SLC12A7: variants seen among roughly 807,000 people sequenced by gnomAD.
SLC12A7 encodes solute carrier family 12 member 7.
SLC12A7 carries 100 observed loss-of-function variants against 120.6 expected under a neutral mutation model. That is an observed-to-expected ratio of 0.83 (90% CI 0.71 to 0.98). SLC12A7 has a LOEUF of 0.98. Among genes scored for constraint, SLC12A7 ranks in the 50% least tolerant of loss-of-function variants. The pLI is 0.00. For synonymous variants in SLC12A7, 760 were observed against 678.0 expected (o/e 1.12, Z -1.88); for missense variants, 1,373 against 1,548.1 (o/e 0.89, Z 1.90).
At chr5:1,084,549 C>A (rs529274234) in intron 7 of SLC12A7, among the ~76,000 whole-genome samples, 1 of 152,354 alleles carries the variant, frequency 6.6e-6, no homozygotes, top group East Asian at 1.9e-4. Flanking sequence ...ACAGTCTACA[C>A]AGGGCCGTAG....
chr5:1,053,248 G>A (rs1216527557), intron 23 of SLC12A7, 101 bp downstream of exon 23: 29 of 1,409,078 alleles, frequency 2.1e-5, no homozygotes, highest in Middle Eastern at 1.8e-4. Context: ...AAGGAGAGGC[G>A]GGAAGCCAGC....
At chr5:1,145,619 C>T in the SLC12A7 span, among the ~76,000 whole-genome samples, 2 of 152,120 alleles carry the variant, frequency 1.3e-5, no homozygotes, top group African/African-American at 4.8e-5. The surrounding 1 kb of genome is among the most constrained non-coding windows in gnomAD (Gnocchi z 4.4). Context: ...ATATCTCTTC[C>T]AAGAGGCCTG....
intron 15 of SLC12A7, 55 bp downstream of exon 15, chr5:1,075,314 TGA>T (rs1388140177): frequency 1.3e-6 from 2 of 1,577,238 alleles, no homozygotes; most frequent in Non-Finnish European, 1.7e-6. Flanking sequence ...AGGCATAGCA[TGA>T]GAGGGGCCCG....
At chr5:1,083,674 A>C in intron 8 of SLC12A7, 71 bp downstream of exon 8, 1 of 1,493,068 alleles carries the variant, frequency 6.7e-7, no homozygotes, top group Non-Finnish European at 9.2e-7. Flanking sequence ...CTAAGGCGAG[A>C]GCAGCCACCA....
At chr5:1,082,765 G>A (rs1207464648) in intron 8 of SLC12A7, among the ~76,000 whole-genome samples, 3 of 137,636 alleles carry the variant, frequency 2.2e-5, no homozygotes, top group African/African-American at 5.4e-5. Flanking sequence ...CAGGCTTCCC[G>A]TCTTGGGTTC....
At chr5:1,056,640 G>A (rs1735643954) in intron 22 of SLC12A7, 1 of 967,366 alleles carries the variant, frequency 1.0e-6, no homozygotes, top group Non-Finnish European at 1.2e-6. Context: ...GACTTCAGGA[G>A]AGAGCACCAG....
the SLC12A7 span, among the ~76,000 whole-genome samples, chr5:1,129,135 G>A: frequency 6.6e-6 from 1 of 152,156 alleles, no homozygotes. Context: ...CTGCTGCCTA[G>A]GGCCTGCCAG....
intron 1 of SLC12A7, among the ~76,000 whole-genome samples, chr5:1,101,435 C>T (rs1016663722): frequency 6.6e-6 from 1 of 152,194 alleles, no homozygotes; most frequent in Non-Finnish European, 1.5e-5. Flanking sequence ...CCCAGAACCA[C>T]AGCCTCTGGT....
chr5:1,101,721 G>A (rs936796213), intron 1 of SLC12A7, among the ~76,000 whole-genome samples: 6 of 152,100 alleles, frequency 3.9e-5, no homozygotes, highest in Admixed American at 1.3e-4. Flanking sequence ...GCACAGATCC[G>A]CCCCACACAG....
Position 1,093,552 on chromosome 5 carries a change from C to T in SLC12A7, c.323G>A (p.Ser108Asn). ...CAGTACCTTGGCCTCCCGCCGCCGG[C>T]TCTCCTCGTCCTCCTCGTGCTCCAC... Reference protein sequence around the residue: ...GVVEHEEDEESRRREAKAPRM... With the variant: ...GVVEHEEDEENRRREAKAPRM... The change falls in exon 3 of 24, where the codon AGC becomes AAC. Residue 108 changes from serine to asparagine, a missense_variant. Physicochemically the swap from Ser to Asn is conservative, Grantham distance 46 (BLOSUM62 1). Coordinates refer to ENST00000264930, the MANE Select transcript of SLC12A7 (RefSeq NM_006598.3). 1 of 1,599,906 alleles carries T rather than the reference C, an allele frequency of 6.3e-7. No homozygotes were observed. Among genetic ancestry groups the T allele is most frequent in the Non-Finnish European group, 8.5e-7 (1 of 1,174,358 alleles).
chr5:1,088,838 G>T (rs1313185922), intron 4 of SLC12A7, 144 bp downstream of exon 4: 3 of 1,020,478 alleles, frequency 2.9e-6, no homozygotes, highest in Admixed American at 4.3e-5. Context: ...GTCTACACGG[G>T]CGTCTGGGGA....
chr5:1,102,330 C>A (rs905055527), intron 1 of SLC12A7, among the ~76,000 whole-genome samples: 1 of 152,224 alleles, frequency 6.6e-6, no homozygotes, highest in Non-Finnish European at 1.5e-5. Flanking sequence ...CCTCCCTAAT[C>A]GGCCCTAATC....
intron 17 of SLC12A7, among the ~76,000 whole-genome samples, chr5:1,068,944 A>G (rs1320144959): frequency 6.6e-6 from 1 of 152,252 alleles, no homozygotes; most frequent in Non-Finnish European, 1.5e-5. Flanking sequence ...CCACGCCAGC[A>G]GGGCAGTTCC....
chr5:1,060,023 T>A (rs1163156953), intron 21 of SLC12A7, among the ~76,000 whole-genome samples: 2 of 152,242 alleles, frequency 1.3e-5, no homozygotes, highest in African/African-American at 4.8e-5. Context: ...GCCTGCACGC[T>A]GCTCGGTTAG....
the SLC12A7 span, among the ~76,000 whole-genome samples, chr5:1,143,184 G>A: frequency 1.2e-4 from 18 of 152,352 alleles, no homozygotes; most frequent in Non-Finnish European, 2.2e-4. Context: ...TCCCAAGACC[G>A]GAGCTTCCCG....
the SLC12A7 span, among the ~76,000 whole-genome samples, chr5:1,141,699 A>T: frequency 6.6e-6 from 1 of 152,236 alleles, no homozygotes; most frequent in Non-Finnish European, 1.5e-5. Context: ...CAGCAGCTAC[A>T]GCTCAAGTGC....
intron 9 of SLC12A7, among the ~76,000 whole-genome samples, chr5:1,080,230 G>T (rs192383076): frequency 0.02 from 88 of 4,372 alleles, no homozygotes; most frequent in East Asian, 0.062. Context: ...CACCCGCGGC[G>T]CGGAGACACC....
the SLC12A7 span, among the ~76,000 whole-genome samples, chr5:1,131,138 C>T: frequency 6.6e-6 from 1 of 152,262 alleles, no homozygotes; most frequent in South Asian, 2.1e-4. Flanking sequence ...CGCAGGGACA[C>T]ACAGGGACTC....
chr5:1,122,588 G>C, the SLC12A7 span, among the ~76,000 whole-genome samples: 1 of 152,324 alleles, frequency 6.6e-6, no homozygotes, highest in Non-Finnish European at 1.5e-5. Context: ...CCGGTCTCCA[G>C]AGTCCTCCCA....
Sources: gnomAD v4.1 joint callset for allele counts (sites outside exome capture counted in the v4.1 genomes callset) on GRCh38, gnomAD v4.1.1 for gene constraint, Gnocchi (gnomAD v3.1) non-coding constraint, MANE v1.5 for transcripts, NCBI Gene and HGNC (gene_info 2026-07-23, HGNC 2026-07-21) for gene names.